OCA2: variants seen among roughly 807,000 people sequenced by gnomAD.
The protein encoded by OCA2 is P protein.
In OCA2, 77 loss-of-function variants were observed where a neutral mutation model predicts 100.2. The observed-to-expected ratio is 0.77, with a 90% confidence interval of 0.64 to 0.93. The LOEUF (loss-of-function observed/expected upper bound fraction) is 0.93, where lower values mean the gene tolerates loss of function less well. Ranked by LOEUF, OCA2 falls within the 40% of genes least tolerant of loss-of-function variation. The pLI, the probability that OCA2 is intolerant of heterozygous loss-of-function variation, is 0.00. For synonymous variants in OCA2, 432 were observed against 439.2 expected (o/e 0.98, Z 0.21); for missense variants, 1,062 against 1,089.1 (o/e 0.98, Z 0.35).
At chr15:27,841,982 C>T (rs1441200785) in intron 23 of OCA2, among the ~76,000 whole-genome samples, 1 of 152,228 alleles carries the variant, frequency 6.6e-6, no homozygotes, top group Non-Finnish European at 1.5e-5. Flanking sequence ...TAAAACATCA[C>T]TCATTTAACC....
At position 27,966,559 on chromosome 15, in the gene OCA2, C is replaced by A. The variant is rs370369209; in HGVS notation, c.1636+131G>T. 2.0e-3 allele frequency: 1,847 copies of A among 941,010 alleles called. 40 individuals are homozygous for A. The South Asian group carries it at 0.024, about 12-fold the overall frequency. 58.3% of individuals were successfully genotyped at this position (941,010 alleles called of 1,614,324 possible). A position where few individuals can be genotyped will look rare whatever the true frequency, so the allele number is the denominator to read the frequency against. On this transcript the variant is annotated intron_variant, in intron 15 of 23. Coordinates refer to ENST00000354638, the MANE Select transcript of OCA2 (RefSeq NM_000275.3). ...AAAACAGTGTATACTAGAAGGTGGA[C>A]GTGGAGAGTCACTGGTATTGAGCAT...
At chr15:28,088,843 T>C (rs923643974) in intron 1 of OCA2, among the ~76,000 whole-genome samples, 3 of 152,234 alleles carry the variant, frequency 2.0e-5, no homozygotes, top group Non-Finnish European at 4.4e-5. Context: ...TTCAGGCACA[T>C]GTTGTCTTTG....
At chr15:27,916,661 T>C (rs190103659) in intron 19 of OCA2, among the ~76,000 whole-genome samples, 131 of 152,330 alleles carry the variant, frequency 8.6e-4, no homozygotes, top group African/African-American at 3.1e-3. Flanking sequence ...GGGGACAAGA[T>C]GCCTACAGTT....
intron 2 of OCA2, among the ~76,000 whole-genome samples, chr15:28,069,453 C>T (rs1406110348): frequency 1.7e-4 from 20 of 116,622 alleles, no homozygotes; most frequent in Non-Finnish European, 3.0e-4. Context: ...CGGTCTCCCT[C>T]TCATGCGGGG....
At chr15:27,918,783 T>C (rs1414551430) in intron 19 of OCA2, among the ~76,000 whole-genome samples, 4 of 152,312 alleles carry the variant, frequency 2.6e-5, no homozygotes, top group South Asian at 2.1e-4. Context: ...GCTGGATAAA[T>C]TGTCCCATTT....
At chr15:27,969,198 C>T (rs1241507753) in intron 14 of OCA2, among the ~76,000 whole-genome samples, 3 of 148,246 alleles carry the variant, frequency 2.0e-5, no homozygotes, top group Non-Finnish European at 4.5e-5. Flanking sequence ...AATGTTGGGG[C>T]AATTGGAGAA....
intron 23 of OCA2, among the ~76,000 whole-genome samples, chr15:27,815,062 C>T (rs1040452861): frequency 3.9e-5 from 6 of 152,076 alleles, no homozygotes; most frequent in African/African-American, 1.4e-4. Context: ...AGCAGGGCTT[C>T]CTGGAGGGCT....
At chr15:28,060,769 G>A (rs910344024) in intron 2 of OCA2, among the ~76,000 whole-genome samples, 1 of 152,172 alleles carries the variant, frequency 6.6e-6, no homozygotes, top group African/African-American at 2.4e-5. Context: ...AATCAGCCCT[G>A]CCATGATGGT....
Position 27,862,002 on chromosome 15 carries a change from G to A in OCA2, c.2244+9152C>T, listed in dbSNP as rs906423091. ...ATGCACTGGGTGGCCACGGCGTCAC[G>A]TGGAAAGTGCCCACATGGTTGCTTT... is the stretch of plus-strand genomic sequence containing the variant. On this transcript the variant is annotated intron_variant, in intron 21 of 23. Coordinates refer to ENST00000354638, the MANE Select transcript of OCA2 (RefSeq NM_000275.3). Among the ~76,000 whole-genome samples, 12 of 152,352 alleles carry A rather than the reference G, an allele frequency of 7.9e-5. 1 individual carries two copies. The highest frequency in any genetic ancestry group is 3.3e-4 in the Admixed American group (5 of 15,296).
At chr15:27,880,483 C>T (rs547265067) in intron 19 of OCA2, among the ~76,000 whole-genome samples, 10 of 152,144 alleles carry the variant, frequency 6.6e-5, no homozygotes, top group Non-Finnish European at 1.3e-4. Context: ...TTCTTCCTAT[C>T]CATGAACATG....
intron 3 of OCA2, among the ~76,000 whole-genome samples, chr15:28,029,996 T>G (rs563414612): frequency 3.9e-5 from 6 of 152,368 alleles, no homozygotes; most frequent in African/African-American, 1.4e-4. Context: ...GCTTACACAT[T>G]AATGGTTTTC....
chr15:28,001,299 T>A (rs961978255), intron 9 of OCA2, among the ~76,000 whole-genome samples: 1 of 151,848 alleles, frequency 6.6e-6, no homozygotes, highest in Non-Finnish European at 1.5e-5. Flanking sequence ...AAATAGAATA[T>A]TATTCACCCT....
intron 9 of OCA2, among the ~76,000 whole-genome samples, chr15:28,011,841 C>T (rs1200489919): frequency 1.3e-5 from 2 of 151,514 alleles, no homozygotes; most frequent in Admixed American, 1.3e-4. Flanking sequence ...TCACTCGAAC[C>T]CAGGAGATGG....
At chr15:28,092,043 A>C (rs1566886953) in intron 1 of OCA2, among the ~76,000 whole-genome samples, 1 of 152,224 alleles carries the variant, frequency 6.6e-6, no homozygotes, top group Non-Finnish European at 1.5e-5. Flanking sequence ...TTGACAATAA[A>C]AATGAATGGT....
intron 4 of OCA2, among the ~76,000 whole-genome samples, chr15:28,026,965 T>C (rs1392144344): frequency 6.6e-6 from 1 of 152,190 alleles, no homozygotes; most frequent in African/African-American, 2.4e-5. Context: ...CAGGGTACCG[T>C]CGCGTGGCCA....
chr15:27,964,880 G>T lies in OCA2; in HGVS notation c.1636+1810C>A, dbSNP rs113036618. 1.6e-3 allele frequency among the ~76,000 whole-genome samples: 246 copies of T among 152,236 alleles called. 1 individual carries two copies. Among genetic ancestry groups the T allele is most frequent in the African/African-American group, 5.7e-3 (236 of 41,528 alleles). On this transcript the variant is annotated intron_variant, in intron 15 of 23. Coordinates refer to ENST00000354638, the MANE Select transcript of OCA2 (RefSeq NM_000275.3). ...ATAGGGTTCCTGCATCACCAGGTGT[G>T]TCCACTTCCAACCATCACTCCCCAC...
intron 19 of OCA2, among the ~76,000 whole-genome samples, chr15:27,903,711 C>T (rs1009931402): frequency 6.6e-6 from 1 of 152,164 alleles, no homozygotes. Flanking sequence ...GCCTGGGAAC[C>T]CCAGGTCCTG....
chr15:28,019,846 C>T (rs1166640857), intron 6 of OCA2, among the ~76,000 whole-genome samples: 1 of 152,198 alleles, frequency 6.6e-6, no homozygotes. Context: ...CCTCCCCAGG[C>T]AGGCCTCAGG....
chr15:28,016,407 A>G (rs2141243067), intron 7 of OCA2, among the ~76,000 whole-genome samples: 1 of 152,378 alleles, frequency 6.6e-6, no homozygotes, highest in South Asian at 2.1e-4. Flanking sequence ...TTTAAGAAAA[A>G]GGATTCAAAA....
Sources: allele counts gnomAD v4.1 joint callset (sites outside exome capture counted in the v4.1 genomes callset), GRCh38; gene constraint gnomAD v4.1.1; transcripts MANE v1.5; gene names NCBI Gene and HGNC (gene_info 2026-07-23, HGNC 2026-07-21).